BSN: variants seen among roughly 807,000 people sequenced by gnomAD.
BSN encodes bassoon presynaptic cytomatrix protein, also known as protein bassoon.
A neutral mutation model predicts 264.8 loss-of-function variants in BSN; 57 were observed. The observed-to-expected ratio is 0.22, with a 90% CI of 0.17 to 0.27. The LOEUF (loss-of-function observed/expected upper bound fraction) is 0.27. Ranked by LOEUF, BSN falls within the 10% of genes least tolerant of loss-of-function variation. The pLI, the probability that BSN is intolerant of heterozygous loss-of-function variation, is 1.00. For synonymous variants in BSN, 2,059 were observed against 2,137.3 expected (o/e 0.96, Z 1.01); for missense variants, 4,615 against 5,232.5 (o/e 0.88, Z 3.64).
At chr3:49,605,510 TATA>T (rs2052115093) in intron 1 of BSN, among the ~76,000 whole-genome samples, 1 of 4,380 alleles carries the variant, frequency 2.3e-4, no homozygotes, top group Admixed American at 7.5e-3. Context: ...ATATATATTA[TATA>T]ATATATATAT....
In BSN at chr3:49,663,817, G is replaced by T; in HGVS notation, c.11539G>T (p.Gly3847Trp). The change falls in exon 8 of 12, where the codon GGG (glycine) becomes TGG (tryptophan). Residue 3847 changes from glycine (G) to tryptophan (W), a missense_variant. Physicochemically the swap from Gly to Trp is radical, Grantham distance 184. Coordinates refer to ENST00000296452, the MANE Select transcript of BSN (RefSeq NM_003458.4). ...PRAEQTNGSKGTAKAPQQGRA... is the reference protein window; with the variant it reads ...PRAEQTNGSKWTAKAPQQGRA... ...GGCAGAACAGACAAATGGCTCTAAA[G>T]GGACAGCCAAAGCACCGCAACAGGG... The T allele has an allele frequency of 6.2e-7, 1 of 1,614,144 alleles. No homozygotes were observed. Among genetic ancestry groups the T allele is most frequent in the Non-Finnish European group, 8.5e-7 (1 of 1,180,032 alleles).
At chr3:49,574,441 G>C (rs1432740091) in intron 1 of BSN, among the ~76,000 whole-genome samples, 1 of 151,936 alleles carries the variant, frequency 6.6e-6, no homozygotes, top group East Asian at 1.9e-4. Context: ...CCTGCACATG[G>C]TAGCTTTTTT....
Position 49,656,972 on chromosome 3 carries a change from G to A in BSN, c.7416G>A (p.Arg2472=). 1 of 1,608,066 alleles carries A rather than the reference G, an allele frequency of 6.2e-7. No homozygotes were observed. Among genetic ancestry groups the A allele is most frequent in the Non-Finnish European group, 8.5e-7 (1 of 1,176,676 alleles). Residue 2472 remains arginine, a synonymous_variant, in exon 5 of 12, where the codon CGG becomes CGA. Transcript: ENST00000296452. ...AGCAGCTAGAGGAGCAGAAGCAGCG[G>A]CAGAAGGCTCCCTTTCCTGCAGCCT... is the stretch of plus-strand genomic sequence containing the variant. ...LQQQLEEQKQ[R]QKAPFPAACE...
intron 1 of BSN, among the ~76,000 whole-genome samples, chr3:49,560,604 G>T (rs1453149203): frequency 2.0e-5 from 3 of 152,228 alleles, no homozygotes; most frequent in African/African-American, 7.2e-5. Context: ...GAACAATCTA[G>T]CTGTGGGGGA....
intron 10 of BSN, 147 bp downstream of exon 10, chr3:49,665,000 C>T: frequency 3.0e-6 from 2 of 667,742 alleles, no homozygotes; most frequent in East Asian, 2.6e-5. Flanking sequence ...GTTCCCTTCT[C>T]TGAATGTGGG....
chr3:49,593,713 T>C (rs2051997442), intron 1 of BSN, among the ~76,000 whole-genome samples: 1 of 151,986 alleles, frequency 6.6e-6, no homozygotes, highest in Admixed American at 6.6e-5. Flanking sequence ...TCATGTTTTT[T>C]GCTGTTTTCT....
In BSN at chr3:49,663,451, AG is replaced by A. The variant is rs1412328980; in HGVS notation, c.11295del (p.Arg3765SerfsTer30). The A allele has an allele frequency of 6.2e-7, 1 of 1,613,060 alleles. No homozygotes were observed. On this transcript the variant is annotated frameshift_variant, in exon 7 of 12. Coordinates refer to ENST00000296452, the MANE Select transcript of BSN (RefSeq NM_003458.4). LOFTEE classifies it high-confidence loss of function. ...ACAGCAGTCACAGTCACCATCATCCAGGCAAATACCCTCTGGGGCAGCATCA... is the reference window on the plus strand; with the variant it reads ...ACAGCAGTCACAGTCACCATCATCCAGCAAATACCCTCTGGGGCAGCATCA... ...GPQQSQSPSS[R>X]QIPSGAASRQ...
rs1184705746 is a variant in BSN at position 49,653,263 on chromosome 3, A to G, written c.3707A>G (p.Glu1236Gly). 1.6e-5 allele frequency: 25 copies of G among 1,612,090 alleles called. No homozygotes were observed. In the East Asian group the frequency reaches 5.6e-4, roughly 36 times the overall value. The change falls in exon 5 of 12, where the codon GAG (glutamate) becomes GGG (glycine). Residue 1236 changes from glutamate (E) to glycine (G), a missense_variant. Physicochemically the swap from Glu to Gly is moderately conservative, Grantham distance 98. Transcript: ENST00000296452. This position sits in a 1 kb window ranked among gnomAD's most constrained non-coding sequence, Gnocchi z 6.3. ...SFEYQDTTDR[E>G]YGQAAQPAAE... ...GAATATCAAGACACTACAGACCGTG[A>G]GTATGGCCAGGCTGCTCAGCCTGCC...
Position 49,625,110 on chromosome 3 carries a change from G to C in BSN, c.360G>C (p.Gln120His). ...RETRAQGPAG[Q>H]EADGPRRTLQ... ...CAAGGGCACAGGGACCAGCAGGCCAGGAGGCTGATGGTCCCCGCAGGACGC... is the reference window on the plus strand; with the variant it reads ...CAAGGGCACAGGGACCAGCAGGCCACGAGGCTGATGGTCCCCGCAGGACGC... Residue 120 changes from glutamine (Q) to histidine (H), a missense_variant, in exon 2 of 12, where the codon CAG (glutamine) becomes CAC (histidine). By Grantham distance (24) the Gln-to-His change is conservative. This residue lies in a region of BSN where 1,197 missense variants were observed against 1,348.0 expected (regional missense o/e 0.89). Transcript: ENST00000296452. This position sits in a 1 kb window ranked among gnomAD's most constrained non-coding sequence, Gnocchi z 4.4. 1 of 1,603,328 alleles carries C rather than the reference G, an allele frequency of 6.2e-7. No homozygotes were observed. Among genetic ancestry groups the C allele is most frequent in the Middle Eastern group, 1.7e-4 (1 of 6,038 alleles).
Position 49,654,935 on chromosome 3 carries a change from A to G in BSN, c.5379A>G (p.Arg1793=), listed in dbSNP as rs1464804666. The change falls in exon 5 of 12, where the codon AGA becomes AGG. Residue 1793 remains arginine, a synonymous_variant. Transcript: ENST00000296452. The surrounding 1 kb of genome is among the most constrained non-coding windows in gnomAD (Gnocchi z 4.1). ...TAPYRSGPRG[R]PREAKFARYN... ...CATACCGAAGTGGGCCCCGGGGAAGACCCAGGGAGGCCAAGTTTGCCAGAT... is the reference window on the plus strand; with the variant it reads ...CATACCGAAGTGGGCCCCGGGGAAGGCCCAGGGAGGCCAAGTTTGCCAGAT... 1.9e-6 allele frequency: 3 copies of G among 1,611,822 alleles called. No homozygotes were observed. In the East Asian group the frequency reaches 6.7e-5, roughly 36 times the overall value.
At position 49,656,546 on chromosome 3, in the gene BSN, A is replaced by T. The variant is rs781294284; in HGVS notation, c.6990A>T (p.Pro2330=). ...CTGCAGGAGCCCCAGCTCCTGCCCC[A>T]CTAGCTGGCCAGAAGCCACCAGCAG... is the stretch of plus-strand genomic sequence containing the variant. ...KEAAGAPAPA[P]LAGQKPPADA... Residue 2330 remains proline, a synonymous_variant, in exon 5 of 12, where the codon CCA becomes CCT. Transcript: ENST00000296452. 2.6e-6 allele frequency: 4 copies of T among 1,567,176 alleles called. No homozygotes were observed. Among genetic ancestry groups the T allele is most frequent in the Non-Finnish European group, 8.6e-7 (1 of 1,157,516 alleles).
chr3:49,605,441 T>C (rs1196302555), intron 1 of BSN, among the ~76,000 whole-genome samples: 8 of 30,046 alleles, frequency 2.7e-4, no homozygotes, highest in African/African-American at 1.2e-3. Flanking sequence ...ATATATATTA[T>C]ATATATTATA....
In BSN at chr3:49,661,210, C is replaced by T. The variant is rs1249229111; in HGVS notation, c.9365C>T (p.Thr3122Ile). 6.2e-7 allele frequency: 1 copy of T among 1,613,712 alleles called. No homozygotes were observed. The highest frequency in any genetic ancestry group is 8.5e-7 in the Non-Finnish European group (1 of 1,180,048). Residue 3122 changes from threonine to isoleucine, a missense_variant, in exon 6 of 12, where the codon ACA becomes ATA. By Grantham distance (89) the Thr-to-Ile change is moderately conservative. This residue lies in a region of BSN where 3,415 missense variants were observed against 3,866.4 expected (regional missense o/e 0.88). Coordinates refer to ENST00000296452, the MANE Select transcript of BSN (RefSeq NM_003458.4). The part of the protein sequence containing the change: ...FRPTGHYAGQ[T>I]PMPTTQSTLF... ...CCCACAGGCCACTATGCAGGCCAAA[C>T]ACCCATGCCAACCACACAGAGCACC... is the stretch of plus-strand genomic sequence containing the variant.
intron 1 of BSN, among the ~76,000 whole-genome samples, chr3:49,580,859 T>C (rs887803041): frequency 3.9e-5 from 6 of 152,178 alleles, no homozygotes; most frequent in East Asian, 1.9e-4. Flanking sequence ...AATTACTGTA[T>C]ATTCATGATT....
chr3:49,659,648 G>A (rs1575451513), intron 5 of BSN, among the ~76,000 whole-genome samples: 2 of 152,304 alleles, frequency 1.3e-5, no homozygotes, highest in South Asian at 4.1e-4. Context: ...TGAACTACCA[G>A]GCAATGTGGA....
Position 49,654,403 on chromosome 3 carries a change from C to T in BSN, c.4847C>T (p.Pro1616Leu). The change falls in exon 5 of 12, where the codon CCA becomes CTA. Residue 1616 changes from proline (P) to leucine (L), a missense_variant. Around this residue, in one of 3 missense-constraint regions of BSN, gnomAD observed 3,415 missense variants for 3,866.4 expected, o/e 0.88. Coordinates refer to ENST00000296452, the MANE Select transcript of BSN (RefSeq NM_003458.4). This position sits in a 1 kb window ranked among gnomAD's most constrained non-coding sequence, Gnocchi z 4.1. ...PPEPPGPPGF[P>L]RVPSAGADGP... ...GAGCCACCTGGGCCACCTGGCTTTCCACGGGTGCCCAGTGCTGGTGCAGAT... is the reference window on the plus strand; with the variant it reads ...GAGCCACCTGGGCCACCTGGCTTTCTACGGGTGCCCAGTGCTGGTGCAGAT... The T allele has an allele frequency of 6.2e-7, 1 of 1,601,192 alleles. No homozygotes were observed. Among genetic ancestry groups the T allele is most frequent in the Non-Finnish European group, 8.5e-7 (1 of 1,174,500 alleles).
intron 1 of BSN, among the ~76,000 whole-genome samples, chr3:49,620,008 A>G (rs4855833): frequency 0.81 from 123,033 of 152,018 alleles, 50,262 homozygotes; most frequent in East Asian, 0.99. Context: ...AGGGATCCCA[A>G]AGGATATACA....
At chr3:49,646,826 A>G (rs1312083434) in intron 3 of BSN, among the ~76,000 whole-genome samples, 2 of 152,190 alleles carry the variant, frequency 1.3e-5, no homozygotes, top group African/African-American at 2.4e-5. Flanking sequence ...AGCTACAAGG[A>G]TACACACTGG....
At chr3:49,624,346 T>G (rs2052327068) in intron 1 of BSN, among the ~76,000 whole-genome samples, 1 of 136,446 alleles carries the variant, frequency 7.3e-6, no homozygotes. Flanking sequence ...TTGCCCAGGC[T>G]GGAGTTCAGT....
Sources: gnomAD v4.1 joint callset for allele counts (sites outside exome capture counted in the v4.1 genomes callset) on GRCh38, gnomAD v4.1.1 for gene constraint, gnomAD v4.1.1 regional missense constraint, Gnocchi (gnomAD v3.1) non-coding constraint, MANE v1.5 for transcripts, NCBI Gene and HGNC (gene_info 2026-07-23, HGNC 2026-07-21) for gene names.